ECH1: variants seen among roughly 807,000 people sequenced by gnomAD.
ECH1 encodes delta(3,5)-Delta(2,4)-dienoyl-CoA isomerase, mitochondrial.
In ECH1, 30 loss-of-function variants were observed where a neutral mutation model predicts 37.0. That is an observed-to-expected ratio of 0.81 (90% CI 0.61 to 1.10). The LOEUF (loss-of-function observed/expected upper bound fraction) is 1.10. Among genes scored for constraint, ECH1 ranks in the 50% least tolerant of loss-of-function variants. The pLI is 0.00. For synonymous variants in ECH1, 178 were observed against 176.0 expected (o/e 1.01, Z -0.09); for missense variants, 456 against 441.6 (o/e 1.03, Z -0.29).
In ECH1 at chr19:38,815,891, C is replaced by T. The variant is rs1393317001; in HGVS notation, c.848G>A (p.Arg283His). Residue 283 changes from arginine to histidine, a missense_variant, in exon 9 of 10, where the codon CGC (arginine) becomes CAC (histidine). Coordinates refer to ENST00000221418, the MANE Select transcript of ECH1 (RefSeq NM_001398.3). Reference sequence around the variant, plus strand: ...GAGGCTCTCGGCCACCGAATGGTCGCGGGAATACAGCAGGTTGACCTTGGT... The same window carrying T: ...GAGGCTCTCGGCCACCGAATGGTCGTGGGAATACAGCAGGTTGACCTTGGT... ...QSTKVNLLYS[R>H]DHSVAESLNY... 8 of 1,614,038 alleles carry T rather than the reference C, an allele frequency of 5.0e-6. No homozygotes were observed. The highest frequency in any genetic ancestry group is 2.2e-5 in the East Asian group (1 of 44,896).
At chr19:38,818,781 C>T (rs909809581) in intron 3 of ECH1, among the ~76,000 whole-genome samples, 1 of 152,170 alleles carries the variant, frequency 6.6e-6, no homozygotes, top group Non-Finnish European at 1.5e-5. Context: ...CCACCGTGCC[C>T]GGCCCAGACC....
At chr19:38,819,951 CAAAAATA>C (rs1291213547) in intron 3 of ECH1, among the ~76,000 whole-genome samples, 1 of 135,936 alleles carries the variant, frequency 7.4e-6, no homozygotes, top group Non-Finnish European at 1.6e-5. Context: ...GACCCTGGCT[CAAAAATA>C]AAAAATAAAA....
At chr19:38,817,044 G>A in intron 6 of ECH1, 21 bp downstream of exon 6, 1 of 1,560,392 alleles carries the variant, frequency 6.4e-7, no homozygotes, top group Non-Finnish European at 8.7e-7. Flanking sequence ...CTCTAAGCAG[G>A]AGCTCGGGAG....
At chr19:38,819,611 C>G (rs1194689367) in intron 3 of ECH1, among the ~76,000 whole-genome samples, 1 of 152,064 alleles carries the variant, frequency 6.6e-6, no homozygotes, top group Admixed American at 6.6e-5. Flanking sequence ...ATACAGACAA[C>G]AGTCCCTGTC....
intron 3 of ECH1, among the ~76,000 whole-genome samples, chr19:38,827,264 G>A (rs918856325): frequency 6.6e-6 from 1 of 152,228 alleles, no homozygotes; most frequent in Admixed American, 6.5e-5. Context: ...TCCTAGTCAA[G>A]ACTGGGTTCC....
In ECH1 at chr19:38,831,075, T is replaced by C; in HGVS notation, c.349+3A>G. 1 of 1,613,832 alleles carries C rather than the reference T, an allele frequency of 6.2e-7. No individual in the cohort carries two copies. Among genetic ancestry groups the C allele is most frequent in the Non-Finnish European group, 8.5e-7 (1 of 1,179,810 alleles). Reference sequence around the variant, plus strand: ...GGCAGGGTGTGTGAAGAGCGTCTGGTACCTGCAGTGAACATTTTTCCTGCA... The same window carrying C: ...GGCAGGGTGTGTGAAGAGCGTCTGGCACCTGCAGTGAACATTTTTCCTGCA... On this transcript the variant is annotated splice_donor_region_variant and intron_variant, in intron 3 of 9. Coordinates refer to ENST00000221418, the MANE Select transcript of ECH1 (RefSeq NM_001398.3).
chr19:38,821,407 GC>G (rs1476305990), intron 3 of ECH1, among the ~76,000 whole-genome samples: 3 of 152,262 alleles, frequency 2.0e-5, no homozygotes, highest in Non-Finnish European at 4.4e-5. Context: ...TGCTTGAGGA[GC>G]CCTTCAGCCT....
chr19:38,831,742 G>A lies in ECH1; in HGVS notation c.31C>T (p.Leu11Phe). 6.2e-7 allele frequency: 1 copy of A among 1,613,390 alleles called. No homozygotes were observed. The highest frequency in any genetic ancestry group is 1.1e-5 in the South Asian group (1 of 90,974). The change falls in exon 1 of 10, where the codon CTC becomes TTC. Residue 11 changes from leucine (L) to phenylalanine (F), a missense_variant. Leu to Phe is a conservative substitution (Grantham distance 22). Transcript: ENST00000221418. ...TCACGCCGGGTCAGTAGGTCGCGGA[G>A]TCTGCGAGAAGCCACTATCCCCGCC... MAAGIVASRR[L>F]RDLLTRRLTG...
At chr19:38,816,601 A>C in intron 6 of ECH1, 78 bp from the exon 7 acceptor site, 34 of 1,531,090 alleles carry the variant, frequency 2.2e-5, no homozygotes, top group Non-Finnish European at 3.0e-5. Context: ...ATGAAATTTC[A>C]TGTCTACTGG....
chr19:38,825,250 C>A (rs1416843259), intron 3 of ECH1, among the ~76,000 whole-genome samples: 1 of 152,172 alleles, frequency 6.6e-6, no homozygotes, highest in Non-Finnish European at 1.5e-5. Context: ...CCCACTGGGA[C>A]CTTGACTTAG....
chr19:38,815,930 A>T lies in ECH1; in HGVS notation c.809T>A (p.Val270Glu). Reference protein sequence around the residue: ...LAAEISSKSPVAVQSTKVNLL... With the variant: ...LAAEISSKSPEAVQSTKVNLL... ...GTTGACCTTGGTGCTCTGCACCGCC[A>T]CGGGGCTCTTGCTGGAAATCTCGGC... Residue 270 changes from valine (V) to glutamate (E), a missense_variant, in exon 9 of 10, where the codon GTG becomes GAG. Physicochemically the swap from Val to Glu is moderately radical, Grantham distance 121 (BLOSUM62 -2). Transcript: ENST00000221418. The T allele has an allele frequency of 6.2e-7, 1 of 1,614,206 alleles. No homozygotes were observed. Among genetic ancestry groups the T allele is most frequent in the Non-Finnish European group, 8.5e-7 (1 of 1,180,044 alleles).
Position 38,826,734 on chromosome 19 carries a change from G to C in ECH1, c.349+4344C>G, listed in dbSNP as rs571245364. Among the ~76,000 whole-genome samples, 3 of 152,220 alleles carry C rather than the reference G, an allele frequency of 2.0e-5. No homozygotes were observed. The East Asian group carries it at 5.8e-4, about 29-fold the overall frequency. ...ACCACACGTCCCAAATTATGTGGAC[G>C]GTCTTGCCCCAAGGGTTTAGGGATA... On this transcript the variant is annotated intron_variant, in intron 3 of 9. Coordinates refer to ENST00000221418, the MANE Select transcript of ECH1 (RefSeq NM_001398.3).
chr19:38,816,218 G>C, intron 8 of ECH1, 66 bp downstream of exon 8: 1 of 1,584,064 alleles, frequency 6.3e-7, no homozygotes, highest in Admixed American at 1.8e-5. Context: ...AAGGGGACCC[G>C]GAGAGGCCTC....
Position 38,831,096 on chromosome 19 carries a change from C to G in ECH1, c.331G>C (p.Gly111Arg). 1 of 1,613,948 alleles carries G rather than the reference C, an allele frequency of 6.2e-7. No homozygotes were observed. The highest frequency in any genetic ancestry group is 8.5e-7 in the Non-Finnish European group (1 of 1,179,982). The change falls in exon 3 of 10, where the codon GGA becomes CGA. Residue 111 changes from glycine (G) to arginine (R), a missense_variant. Gly to Arg is a moderately radical substitution (Grantham distance 125). Coordinates refer to ENST00000221418, the MANE Select transcript of ECH1 (RefSeq NM_001398.3). The part of the protein sequence containing the change: ...DCRAVVISGA[G>R]KMFTAGIDLM... ...CTGGTACCTGCAGTGAACATTTTTC[C>G]TGCACCAGAGATCACCACCGCCCGA...
In ECH1 at chr19:38,831,334, T is replaced by G; in HGVS notation, c.235A>C (p.Asn79His). ...CTCCAGAAGACCTTGTTCATGGCAT[T>G]CCTCTTGTTGGGCCGGTTGAGCTGG... ...HVQLNRPNKR[N>H]AMNKVFWREM... is the part of the protein sequence containing the mutation. Residue 79 changes from asparagine (N) to histidine (H), a missense_variant, in exon 2 of 10, where the codon AAT becomes CAT. Physicochemically the swap from Asn to His is moderately conservative, Grantham distance 68. Transcript: ENST00000221418. 1 of 1,612,784 alleles carries G rather than the reference T, an allele frequency of 6.2e-7. No individual in the cohort carries two copies. The highest frequency in any genetic ancestry group is 2.2e-5 in the East Asian group (1 of 44,850).
Position 38,817,523 on chromosome 19 carries a change from A to G in ECH1, c.402T>C (p.Asp134=), listed in dbSNP as rs756506360. ...GGAGGTACCAGCTGATCCGGGCCAC[A>G]TCATCTCCTTTGGGCTGCAGGATGT... ...ASDILQPKGD[D]VARISWYLRD... is the part of the protein sequence containing the mutation. Residue 134 remains aspartate, a synonymous_variant, in exon 4 of 10, where the codon GAT becomes GAC. Transcript: ENST00000221418. 1.2e-6 allele frequency: 2 copies of G among 1,613,892 alleles called. No individual in the cohort carries two copies. Among genetic ancestry groups the G allele is most frequent in the Admixed American group, 1.7e-5 (1 of 60,008 alleles).
At chr19:38,816,717 A>C (rs1299195817) in intron 6 of ECH1, among the ~76,000 whole-genome samples, 194 bp from the exon 7 acceptor site, 1 of 151,822 alleles carries the variant, frequency 6.6e-6, no homozygotes, top group East Asian at 1.9e-4. Context: ...AATAGAGCCC[A>C]CCTTCCCACT....
intron 3 of ECH1, chr19:38,819,255 G>A: frequency 1.0e-6 from 1 of 983,882 alleles, no homozygotes. Flanking sequence ...CCAGAGGAGA[G>A]GGAGGGAGCC....
chr19:38,830,363 G>A (rs1240145795), intron 3 of ECH1, among the ~76,000 whole-genome samples: 1 of 152,202 alleles, frequency 6.6e-6, no homozygotes, highest in South Asian at 2.1e-4. Flanking sequence ...GCTATAGGCT[G>A]AGAGGTTAAG....
Sources: gnomAD v4.1 joint callset for allele counts (sites outside exome capture counted in the v4.1 genomes callset) on GRCh38, gnomAD v4.1.1 for gene constraint, MANE v1.5 for transcripts, NCBI Gene and HGNC (gene_info 2026-07-23, HGNC 2026-07-21) for gene names.